POU6F2: variants seen among roughly 807,000 people sequenced by gnomAD.
POU6F2 encodes the protein POU domain, class 6, transcription factor 2.
In POU6F2, 31 loss-of-function variants were observed where a neutral mutation model predicts 71.3. The ratio of observed to expected loss-of-function variants is 0.43; its 90% confidence interval spans 0.33 to 0.59. The LOEUF is 0.59. Among genes scored for constraint, POU6F2 ranks in the 20% least tolerant of loss-of-function variants. The probability of loss-of-function intolerance (pLI) is 0.04; values close to 1 mark genes in which losing one functional copy is unlikely to be tolerated. For synonymous variants in POU6F2, 347 were observed against 355.7 expected, an observed-to-expected ratio of 0.98 and a Z score of 0.27; for missense variants, 783 against 856.8, an observed-to-expected ratio of 0.91 and a Z score of 1.07.
intron 5 of POU6F2, among the ~76,000 whole-genome samples, chr7:39,359,642 G>C (rs545972187): frequency 1.7e-3 from 252 of 152,152 alleles, no homozygotes; most frequent in Non-Finnish European, 2.7e-3. Context: ...TTATTTTTTA[G>C]ATTCCAGATG....
At chr7:39,317,181 C>A (rs538255848) in intron 4 of POU6F2, among the ~76,000 whole-genome samples, 67 of 152,306 alleles carry the variant, frequency 4.4e-4, no homozygotes, top group African/African-American at 1.5e-3. Flanking sequence ...AGCTGCTTAA[C>A]CTGGCCTTGC....
chr7:39,274,887 G>T (rs1342635255), intron 4 of POU6F2, among the ~76,000 whole-genome samples: 1 of 151,732 alleles, frequency 6.6e-6, no homozygotes, highest in African/African-American at 2.4e-5. Flanking sequence ...ATTAGGTATT[G>T]ATGGGACGTA....
intron 4 of POU6F2, among the ~76,000 whole-genome samples, chr7:39,210,141 AC>A (rs1794109376): frequency 6.6e-6 from 1 of 151,894 alleles, no homozygotes; most frequent in Admixed American, 6.6e-5. Context: ...TATAATAAAC[AC>A]CCCACTTCTC....
intron 2 of POU6F2, among the ~76,000 whole-genome samples, chr7:39,182,382 A>G (rs1793451444): frequency 6.6e-6 from 1 of 152,212 alleles, no homozygotes; most frequent in African/African-American, 2.4e-5. Flanking sequence ...AACACATTGT[A>G]TACATGTCTT....
intron 1 of POU6F2, among the ~76,000 whole-genome samples, chr7:39,008,693 T>G (rs1789164481): frequency 6.7e-6 from 1 of 150,312 alleles, no homozygotes; most frequent in South Asian, 2.1e-4. Context: ...TTGAATTGAT[T>G]TTTGTATAAG....
chr7:39,248,792 C>T (rs887709385), intron 4 of POU6F2, among the ~76,000 whole-genome samples: 9 of 152,158 alleles, frequency 5.9e-5, no homozygotes, highest in African/African-American at 1.9e-4. Context: ...AGAGTAGTTA[C>T]GTGTCACGTG....
chr7:39,403,046 T>C (rs1443909424), intron 5 of POU6F2, among the ~76,000 whole-genome samples: 1 of 152,156 alleles, frequency 6.6e-6, no homozygotes, highest in Non-Finnish European at 1.5e-5. Flanking sequence ...TCATACCCAT[T>C]TTACCCCTAA....
intron 2 of POU6F2, among the ~76,000 whole-genome samples, chr7:39,114,545 A>G (rs1338381736): frequency 6.6e-6 from 1 of 152,214 alleles, no homozygotes; most frequent in Non-Finnish European, 1.5e-5. Context: ...TATCATTCAC[A>G]TGGAAATCAC....
At chr7:39,167,647 ATCTTTT>A (rs1340882062) in intron 2 of POU6F2, among the ~76,000 whole-genome samples, 8 of 152,232 alleles carry the variant, frequency 5.3e-5, no homozygotes, top group African/African-American at 1.9e-4. Flanking sequence ...GATATTAAAT[ATCTTTT>A]TCTTTATTAG....
intron 1 of POU6F2, among the ~76,000 whole-genome samples, chr7:39,041,894 A>G (rs1405987): frequency 0.88 from 133,556 of 151,954 alleles, 58,772 homozygotes; most frequent in East Asian, 1. Flanking sequence ...GATCTCATCT[A>G]CTTCTTTACT....
chr7:39,250,847 T>C (rs1264335162), intron 4 of POU6F2, among the ~76,000 whole-genome samples: 1 of 152,184 alleles, frequency 6.6e-6, no homozygotes, highest in Non-Finnish European at 1.5e-5. Flanking sequence ...CCAGATAGAG[T>C]CAACCAACAT....
At chr7:39,006,904 A>T in intron 1 of POU6F2, 5 of 1,585,010 alleles carry the variant, frequency 3.2e-6, no homozygotes, top group Non-Finnish European at 4.3e-6. Context: ...TACCAATAGG[A>T]AATTTCCACA....
chr7:39,179,838 C>T (rs1471296591), intron 2 of POU6F2, among the ~76,000 whole-genome samples: 2 of 152,292 alleles, frequency 1.3e-5, no homozygotes, highest in South Asian at 2.1e-4. Context: ...ACTAGCTGCA[C>T]GTTATATCAC....
chr7:39,319,277 C>A (rs1785336637), intron 4 of POU6F2, among the ~76,000 whole-genome samples: 1 of 152,238 alleles, frequency 6.6e-6, no homozygotes, highest in Non-Finnish European at 1.5e-5. Context: ...TTCAGCTCCT[C>A]CTCCTCTATC....
At chr7:39,345,967 G>A (rs1409861812) in intron 5 of POU6F2, among the ~76,000 whole-genome samples, 2 of 152,176 alleles carry the variant, frequency 1.3e-5, no homozygotes, top group African/African-American at 4.8e-5. Context: ...CACTCATTCA[G>A]TGAGAGATCG....
At chr7:39,311,966 A>T (rs1250342541) in intron 4 of POU6F2, among the ~76,000 whole-genome samples, 3 of 152,244 alleles carry the variant, frequency 2.0e-5, no homozygotes, top group Non-Finnish European at 2.9e-5. Flanking sequence ...GAATAACATG[A>T]TTAGAGAATG....
At chr7:39,448,876 A>G (rs946180626) in intron 7 of POU6F2, among the ~76,000 whole-genome samples, 1 of 152,248 alleles carries the variant, frequency 6.6e-6, no homozygotes, top group Non-Finnish European at 1.5e-5. Context: ...TATAGGGGGT[A>G]GATTGACATG....
At chr7:39,257,682 A>G (rs1784051715) in intron 4 of POU6F2, among the ~76,000 whole-genome samples, 1 of 152,178 alleles carries the variant, frequency 6.6e-6, no homozygotes, top group South Asian at 2.1e-4. Flanking sequence ...GGAGCTTTCA[A>G]CTACAACTCC....
At chr7:39,018,172 G>T (rs1329913831) in intron 1 of POU6F2, among the ~76,000 whole-genome samples, 6 of 152,140 alleles carry the variant, frequency 3.9e-5, no homozygotes, top group Non-Finnish European at 8.8e-5. Context: ...GAAATCTAGG[G>T]ATAGAACTGT....
Sources: allele counts gnomAD v4.1 joint callset (sites outside exome capture counted in the v4.1 genomes callset), GRCh38; gene constraint gnomAD v4.1.1; transcripts MANE v1.5; gene names NCBI Gene and HGNC (gene_info 2026-07-23, HGNC 2026-07-21).